Variants in TMEM67 observed in about 807,000 individuals in gnomAD.
TMEM67 encodes the protein meckelin.
A neutral mutation model predicts 136.6 loss-of-function variants in TMEM67; 124 were observed. The observed-to-expected ratio is 0.91, with a 90% confidence interval of 0.78 to 1.05. The LOEUF (loss-of-function observed/expected upper bound fraction) is 1.05, where lower values mean the gene tolerates loss of function less well. TMEM67 is among the 50% of genes least tolerant of loss of function. TMEM67 has a pLI of 0.00. For missense variants in TMEM67, 1,107 were observed against 1,178.4 expected (o/e 0.94, Z 0.89); for synonymous variants, 364 against 390.5 (o/e 0.93, Z 0.80).
At chr8:93,758,631 GT>G (rs1314113169) in intron 3 of TMEM67, 55 bp downstream of exon 3, 36 of 1,441,812 alleles carry the variant, frequency 2.5e-5, no homozygotes, top group Non-Finnish European at 3.5e-5. Flanking sequence ...TCTTGTTTTT[GT>G]TTTTATTTGA....
chr8:93,795,763 G>A, intron 17 of TMEM67, 138 bp from the exon 18 acceptor site: 1 of 699,750 alleles, frequency 1.4e-6, no homozygotes, highest in Non-Finnish European at 2.4e-6. Flanking sequence ...GATCCTGTGA[G>A]TCCAGAATCA....
At chr8:93,832,477 A>G in the TMEM67 span, among the ~76,000 whole-genome samples, 2 of 152,128 alleles carry the variant, frequency 1.3e-5, no homozygotes, top group Non-Finnish European at 1.5e-5. Flanking sequence ...ATCACCTTCT[A>G]TAATCAAAAG....
chr8:93,777,603 A>G (rs1053006971), intron 7 of TMEM67, among the ~76,000 whole-genome samples: 3 of 152,032 alleles, frequency 2.0e-5, no homozygotes, highest in Non-Finnish European at 4.4e-5. Flanking sequence ...CCTTCATTTC[A>G]TTATTTACCC....
At chr8:93,819,395 G>A (rs746779172), downstream of TMEM67, among the ~76,000 whole-genome samples, 11 of 152,170 alleles carry the variant, frequency 7.2e-5, no homozygotes, top group Non-Finnish European at 1.5e-4. Flanking sequence ...GTTTGTGATA[G>A]AGGGTGGAGA....
At chr8:93,755,894 T>A in intron 2 of TMEM67, 28 bp downstream of exon 2, 1 of 1,295,860 alleles carries the variant, frequency 7.7e-7, no homozygotes, top group Non-Finnish European at 1.1e-6. Flanking sequence ...TAAAATAACT[T>A]ACCTGTAAAA....
Position 93,795,988 on chromosome 8 carries a change from G to GT in TMEM67, c.1860+2dup. 1 of 1,610,108 alleles carries GT rather than the reference G, an allele frequency of 6.2e-7. No individual in the cohort carries two copies. ...TGTTGGATGTGCCTTTGCTCTGAAG[G>GT]TAAGTTTTAAAGGACAGGTTACCAA... On this transcript the variant is annotated splice_donor_variant, in intron 18 of 27. Transcript: ENST00000453321. LOFTEE classifies it high-confidence loss of function.
At chr8:93,798,942 AGTGTGT>A (rs35511670) in intron 20 of TMEM67, among the ~76,000 whole-genome samples, 8,941 of 143,400 alleles carry the variant, frequency 0.062, 316 homozygotes, top group African/African-American at 0.097. Flanking sequence ...GTACTAAAGT[AGTGTGT>A]GTGTGTGTGT....
At chr8:93,775,612 C>T (rs536583103) in intron 7 of TMEM67, among the ~76,000 whole-genome samples, 94 of 152,280 alleles carry the variant, frequency 6.2e-4, no homozygotes, top group African/African-American at 2.3e-3. Context: ...AATAGGGAAT[C>T]CTTTCCCCAT....
At chr8:93,825,489 T>C in the TMEM67 span, among the ~76,000 whole-genome samples, 1 of 152,190 alleles carries the variant, frequency 6.6e-6, no homozygotes, top group Non-Finnish European at 1.5e-5. Flanking sequence ...CTAAGTACTT[T>C]GATAATTGGA....
intron 3 of TMEM67, chr8:93,759,827 T>C (rs1338259836): frequency 1.5e-5 from 8 of 520,672 alleles, no homozygotes; most frequent in Non-Finnish European, 2.4e-5. Context: ...TTTATATTTT[T>C]AGTGGCTAAC....
intron 3 of TMEM67, among the ~76,000 whole-genome samples, chr8:93,762,669 C>A (rs765989670): frequency 6.6e-6 from 1 of 151,940 alleles, no homozygotes; most frequent in Non-Finnish European, 1.5e-5. Flanking sequence ...AGGGATGGGA[C>A]TAATGAAAGT....
At chr8:93,820,176 G>T, downstream of TMEM67, among the ~76,000 whole-genome samples, 1 of 152,024 alleles carries the variant, frequency 6.6e-6, no homozygotes, top group East Asian at 1.9e-4. Flanking sequence ...CCTCCTGACT[G>T]GTGCTTTCCC....
chr8:93,767,725 ATTT>A (rs61268455), intron 6 of TMEM67, among the ~76,000 whole-genome samples: 3 of 139,700 alleles, frequency 2.1e-5, no homozygotes, highest in Admixed American at 1.4e-4. Flanking sequence ...CTTCTGCGTG[ATTT>A]TTTTTTTTTT....
chr8:93,826,726 C>A, the TMEM67 span, among the ~76,000 whole-genome samples: 1 of 152,172 alleles, frequency 6.6e-6, no homozygotes, highest in Non-Finnish European at 1.5e-5. Context: ...TAACCTTCTA[C>A]AAGTAAATGC....
intron 4 of TMEM67, among the ~76,000 whole-genome samples, chr8:93,764,435 A>G (rs1013298943): frequency 1.8e-4 from 28 of 152,154 alleles, no homozygotes; most frequent in African/African-American, 6.3e-4. Flanking sequence ...ATAATAGCCC[A>G]GGTACCCTGA....
chr8:93,786,904 C>T (rs537161697), intron 13 of TMEM67, among the ~76,000 whole-genome samples: 11 of 152,272 alleles, frequency 7.2e-5, no homozygotes, highest in Middle Eastern at 3.4e-3. Context: ...TGAAAATCAA[C>T]ACCATCATCT....
intron 4 of TMEM67, among the ~76,000 whole-genome samples, chr8:93,764,350 ATAATT>A (rs1319693523): frequency 6.6e-6 from 1 of 152,234 alleles, no homozygotes. Context: ...AATCTGTAAT[ATAATT>A]ATGTGCTAAG....
intron 14 of TMEM67, among the ~76,000 whole-genome samples, chr8:93,789,789 C>G (rs143275039): frequency 6.6e-6 from 1 of 150,568 alleles, no homozygotes; most frequent in Non-Finnish European, 1.5e-5. Context: ...AAGTTAAGTC[C>G]GCTGGTCGTA....
chr8:93,793,063 G>T, intron 15 of TMEM67, 135 bp from the exon 16 acceptor site: 1 of 770,444 alleles, frequency 1.3e-6, no homozygotes, highest in Admixed American at 2.0e-5. Flanking sequence ...GAGCCACTGT[G>T]CCCGGCTGAC....
Sources: gnomAD v4.1 joint callset for allele counts (sites outside exome capture counted in the v4.1 genomes callset) on GRCh38, gnomAD v4.1.1 for gene constraint, MANE v1.5 for transcripts, NCBI Gene and HGNC (gene_info 2026-07-23, HGNC 2026-07-21) for gene names.